CACNA1D: variants seen among roughly 807,000 people sequenced by gnomAD.
The protein encoded by CACNA1D is calcium voltage-gated channel subunit alpha1 D.
CACNA1D carries 55 observed loss-of-function variants against 257.1 expected under a neutral mutation model. The observed-to-expected ratio is 0.21, with a 90% CI of 0.17 to 0.27. The LOEUF (loss-of-function observed/expected upper bound fraction) is 0.27, where lower values mean the gene tolerates loss of function less well. Ranked by LOEUF, CACNA1D falls within the 10% of genes least tolerant of loss-of-function variation. CACNA1D has a pLI of 1.00. For synonymous variants in CACNA1D, 980 were observed against 1,014.9 expected, an observed-to-expected ratio of 0.97 and a Z score of 0.65; for missense variants, 1,876 against 2,784.0, an observed-to-expected ratio of 0.67 and a Z score of 7.34.
At position 53,719,031 on chromosome 3, in the gene CACNA1D, G is replaced by A. The variant is rs2248381; in HGVS notation, c.1478+643G>A. 0.59 allele frequency among the ~76,000 whole-genome samples: 88,934 copies of A among 151,220 alleles called. 27,279 individuals are homozygous for A. Among genetic ancestry groups the A allele is most frequent in the East Asian group, 0.89 (4,565 of 5,124 alleles). On this transcript the variant is annotated intron_variant, in intron 10 of 47. Transcript: ENST00000350061. The stretch of plus-strand genomic sequence containing the variant: ...TTTGGGCTGTGGCAGCTGGCGGGGG[G>A]GCTGGGGGGGACCAGCAGTGCAGAA...
chr3:53,734,364 C>G (rs2095035909), intron 19 of CACNA1D, among the ~76,000 whole-genome samples: 1 of 151,498 alleles, frequency 6.6e-6, no homozygotes, highest in African/African-American at 2.4e-5. Context: ...CATATACATA[C>G]ATATTTTAGA....
At position 53,723,158 on chromosome 3, in the gene CACNA1D, C is replaced by G. The variant is rs2094898678; in HGVS notation, c.1667-276C>G. 2.0e-5 allele frequency among the ~76,000 whole-genome samples: 3 copies of G among 152,114 alleles called. No homozygotes were observed. Among genetic ancestry groups the G allele is most frequent in the Admixed American group, 2.0e-4 (3 of 15,276 alleles). ...GTCAGAGATTATGTGATGAGCTGCC[C>G]CTTCCCATTTTGTCATCAGTGACAC... On this transcript the variant is annotated intron_variant, in intron 12 of 47. Coordinates refer to ENST00000350061, the MANE Select transcript of CACNA1D (RefSeq NM_001128840.3). This position sits in a 1 kb window ranked among gnomAD's most constrained non-coding sequence, Gnocchi z 5.6.
At chr3:53,558,966 G>C (rs9829879) in intron 3 of CACNA1D, among the ~76,000 whole-genome samples, 1 of 152,044 alleles carries the variant, frequency 6.6e-6, no homozygotes, top group Non-Finnish European at 1.5e-5. Flanking sequence ...ACACAACACC[G>C]TTTCTTCTCT....
At chr3:53,650,981 G>A (rs1202460153) in intron 4 of CACNA1D, 63 bp downstream of exon 4, 5 of 1,396,066 alleles carry the variant, frequency 3.6e-6, no homozygotes, top group East Asian at 2.3e-5. Flanking sequence ...GTTGGGGGGG[G>A]TGGTGGTAAC....
At chr3:53,533,323 A>G (rs149828482) in intron 3 of CACNA1D, among the ~76,000 whole-genome samples, 1 of 152,294 alleles carries the variant, frequency 6.6e-6, no homozygotes, top group Non-Finnish European at 1.5e-5. Context: ...GATCGGGTCT[A>G]CGTTTAAAAA....
chr3:53,735,026 G>A (rs2095043952), intron 19 of CACNA1D, among the ~76,000 whole-genome samples: 1 of 152,144 alleles, frequency 6.6e-6, no homozygotes, highest in African/African-American at 2.4e-5. Context: ...GACCTGGATC[G>A]ATTCTGCCCC....
intron 3 of CACNA1D, among the ~76,000 whole-genome samples, chr3:53,642,723 A>G (rs373617677): frequency 6.6e-6 from 1 of 152,196 alleles, no homozygotes; most frequent in South Asian, 2.1e-4. Context: ...GGCCACCTCC[A>G]TTTGTCATCC....
intron 3 of CACNA1D, among the ~76,000 whole-genome samples, chr3:53,595,211 A>G (rs112365402): frequency 1.3e-5 from 2 of 152,310 alleles, no homozygotes; most frequent in African/African-American, 4.8e-5. Context: ...AGGGTTAATA[A>G]TTAGGTTTTT....
chr3:53,600,489 T>A (rs1161382197), intron 3 of CACNA1D, among the ~76,000 whole-genome samples: 1 of 152,190 alleles, frequency 6.6e-6, no homozygotes, highest in African/African-American at 2.4e-5. Flanking sequence ...ACCCATGAGA[T>A]AGGAACAGAC....
At chr3:53,741,306 T>C (rs2095115968) in intron 21 of CACNA1D, among the ~76,000 whole-genome samples, 1 of 152,172 alleles carries the variant, frequency 6.6e-6, no homozygotes. Context: ...CTTTTAACCA[T>C]GGTTTTCTTT....
chr3:53,576,493 C>T lies in CACNA1D; in HGVS notation c.484-74286C>T, dbSNP rs543978296. ...TTTCCCATAAGAACACAAGAATCTCCATCCTCCATCAGACTAATAGTTTTT... is the reference window on the plus strand; with the variant it reads ...TTTCCCATAAGAACACAAGAATCTCTATCCTCCATCAGACTAATAGTTTTT... On this transcript the variant is annotated intron_variant, in intron 3 of 47. Transcript: ENST00000350061. 7.2e-5 allele frequency among the ~76,000 whole-genome samples: 11 copies of T among 152,272 alleles called. No homozygotes were observed. The East Asian group carries it at 1.2e-3, about 16-fold the overall frequency.
At chr3:53,738,932 A>G (rs535397243) in intron 20 of CACNA1D, among the ~76,000 whole-genome samples, 6 of 152,010 alleles carry the variant, frequency 3.9e-5, no homozygotes, top group African/African-American at 1.4e-4. Flanking sequence ...GAGTAAGGAA[A>G]AGTTGGCTGA....
chr3:53,775,817 C>G, intron 34 of CACNA1D, 69 bp from the exon 35 acceptor site: 1 of 1,464,256 alleles, frequency 6.8e-7, no homozygotes, highest in African/African-American at 1.4e-5. Flanking sequence ...GAGTTTTTCT[C>G]CCCTAAGATC....
chr3:53,734,593 G>A (rs971913172), intron 19 of CACNA1D, among the ~76,000 whole-genome samples: 3 of 152,128 alleles, frequency 2.0e-5, no homozygotes, highest in African/African-American at 7.2e-5. Flanking sequence ...GAGGACAGCA[G>A]CGAGGTTCTG....
chr3:53,498,241 TTCTG>T (rs1226537899), intron 2 of CACNA1D, among the ~76,000 whole-genome samples: 1 of 152,168 alleles, frequency 6.6e-6, no homozygotes, highest in African/African-American at 2.4e-5. Flanking sequence ...TTATAAAAAA[TTCTG>T]TCTATGTCCT....
At chr3:53,764,974 G>C (rs1480759610) in intron 30 of CACNA1D, among the ~76,000 whole-genome samples, 1 of 152,162 alleles carries the variant, frequency 6.6e-6, no homozygotes, top group Non-Finnish European at 1.5e-5. Flanking sequence ...CCCTACCCCA[G>C]GCCAGCAGAA....
rs2094260888 is a variant in CACNA1D, at chr3:53,666,189, AG to A, written c.920-147del. ...ATTCCGCTAAGGAGGGAGCATTTGA[AG>A]GGAACCTTGAAGGACAAGCAGGATC... On this transcript the variant is annotated intron_variant, in intron 6 of 47. Coordinates refer to ENST00000350061, the MANE Select transcript of CACNA1D (RefSeq NM_001128840.3). The A allele has an allele frequency of 1.1e-5, 9 of 799,062 alleles. No homozygotes were observed. In the South Asian group the frequency reaches 1.2e-4, roughly 11 times the overall value. 49.5% of individuals were successfully genotyped at this position (799,062 alleles called of 1,614,324 possible). A position where few individuals can be genotyped will look rare whatever the true frequency, so the allele number is the denominator to read the frequency against.
chr3:53,791,246 G>C, intron 40 of CACNA1D: 2 of 549,250 alleles, frequency 3.6e-6, no homozygotes, highest in Non-Finnish European at 6.5e-6. Flanking sequence ...CGTTGCTCAC[G>C]GTGGTTCTTT....
At chr3:53,702,923 C>T (rs1395516978) in intron 9 of CACNA1D, 113 bp downstream of exon 9, 1 of 1,115,424 alleles carries the variant, frequency 9.0e-7, no homozygotes, top group Admixed American at 2.0e-5. Context: ...AGCCTCCTCC[C>T]AGCCATCTGG....
Sources: gnomAD v4.1 joint callset for allele counts (sites outside exome capture counted in the v4.1 genomes callset) on GRCh38, gnomAD v4.1.1 for gene constraint, Gnocchi (gnomAD v3.1) non-coding constraint, MANE v1.5 for transcripts, NCBI Gene and HGNC (gene_info 2026-07-23, HGNC 2026-07-21) for gene names.